The following NAV2 variants were observed in gnomAD, a reference collection of about 807,000 sequenced individuals.
NAV2 encodes neuron navigator 2, also known as helicase, APC down-regulated 1.
Under a neutral mutation model 223.2 loss-of-function variants are expected in NAV2, and 54 were observed. That is an observed-to-expected ratio of 0.24 (90% confidence interval 0.19 to 0.30). The LOEUF is 0.30. NAV2 is among the 10% of genes least tolerant of loss of function. The pLI is 1.00. For missense variants in NAV2, 2,806 were observed against 3,147.5 expected (o/e 0.89, Z 2.60); for synonymous variants, 1,279 against 1,239.3 (o/e 1.03, Z -0.67).
intron 26 of NAV2, among the ~76,000 whole-genome samples, chr11:20,087,718 G>A (rs796316895): frequency 2.4e-4 from 37 of 152,288 alleles, no homozygotes; most frequent in African/African-American, 7.9e-4. Context: ...AGCGCCTAGT[G>A]GGTATAGTTC....
intron 1 of NAV2, among the ~76,000 whole-genome samples, chr11:19,792,583 C>T (rs1175095397): frequency 2.6e-5 from 4 of 152,214 alleles, no homozygotes; most frequent in Non-Finnish European, 5.9e-5. Context: ...GAGGAAAAGG[C>T]CTTCTCTGCA....
intron 1 of NAV2, among the ~76,000 whole-genome samples, chr11:19,702,782 TA>T (rs2049543958): frequency 2.0e-5 from 1 of 50,188 alleles, no homozygotes; most frequent in Admixed American, 3.4e-4. Context: ...TGTCTCAAAA[TA>T]ATAATAATAA....
intron 11 of NAV2, among the ~76,000 whole-genome samples, chr11:20,033,613 C>T (rs938550255): frequency 2.0e-5 from 3 of 152,306 alleles, no homozygotes; most frequent in African/African-American, 4.8e-5. Context: ...CTCCCTGCCT[C>T]ATCCTCCCAC....
chr11:19,995,415 C>G (rs1179791265), intron 11 of NAV2, among the ~76,000 whole-genome samples: 2 of 152,214 alleles, frequency 1.3e-5, no homozygotes, highest in Non-Finnish European at 2.9e-5. Context: ...TGAGTGGCTT[C>G]TTGCAGCTGG....
chr11:19,669,758 A>G (rs1018757154), intron 1 of NAV2, among the ~76,000 whole-genome samples: 19 of 152,144 alleles, frequency 1.2e-4, no homozygotes, highest in Non-Finnish European at 2.5e-4. Flanking sequence ...CTCTTAGTAA[A>G]TTCCAAGTGC....
intron 1 of NAV2, among the ~76,000 whole-genome samples, chr11:19,631,252 C>A (rs1477403924): frequency 6.6e-6 from 1 of 151,928 alleles, no homozygotes; most frequent in Non-Finnish European, 1.5e-5. Context: ...GCTATCCCTC[C>A]CCCTTTCCCC....
intron 10 of NAV2, among the ~76,000 whole-genome samples, chr11:19,977,798 C>CTTTTTTTTTTTT (rs1221334182): frequency 9.9e-5 from 9 of 90,802 alleles, no homozygotes; most frequent in African/African-American, 3.3e-4. Context: ...CAACTTTTTT[C>CTTTTTTTTTTTT]TTTTTTTTTT....
chr11:19,633,705 G>A (rs1398192875), intron 1 of NAV2, among the ~76,000 whole-genome samples: 5 of 152,238 alleles, frequency 3.3e-5, no homozygotes, highest in South Asian at 2.1e-4. Context: ...GGACTGATGC[G>A]CAGGCCTCCT....
chr11:20,028,784 G>T (rs1321306864), intron 11 of NAV2, among the ~76,000 whole-genome samples: 2 of 152,116 alleles, frequency 1.3e-5, no homozygotes, highest in East Asian at 3.9e-4. Context: ...TGTCAGTGGT[G>T]GCTTTAAGTA....
chr11:20,114,182 G>A (rs140286634), intron 36 of NAV2, among the ~76,000 whole-genome samples: 9 of 152,292 alleles, frequency 5.9e-5, no homozygotes, highest in African/African-American at 1.9e-4. Flanking sequence ...CACATCCAGT[G>A]ACATCATGTC....
intron 1 of NAV2, among the ~76,000 whole-genome samples, chr11:19,750,715 T>C (rs1355767531): frequency 6.6e-6 from 1 of 152,172 alleles, no homozygotes; most frequent in Admixed American, 6.5e-5. Flanking sequence ...ACTTGCACAG[T>C]CACAAAAGGA....
intron 1 of NAV2, among the ~76,000 whole-genome samples, chr11:19,372,628 A>G (rs147733370): frequency 6.4e-4 from 98 of 152,272 alleles, no homozygotes; most frequent in Non-Finnish European, 9.9e-4. Context: ...TGCTTGAAGG[A>G]TAGCACCTAG....
chr11:20,036,173 G>T, intron 12 of NAV2, 76 bp downstream of exon 12: 4 of 1,539,870 alleles, frequency 2.6e-6, no homozygotes, highest in Non-Finnish European at 1.8e-6. Context: ...GGGGTAAGAG[G>T]GCCATTTGGG....
intron 1 of NAV2, among the ~76,000 whole-genome samples, chr11:19,529,466 T>A (rs1475898418): frequency 6.6e-6 from 1 of 152,210 alleles, no homozygotes. Flanking sequence ...CCAATTACAG[T>A]GTCAGTTGAG....
intron 3 of NAV2, among the ~76,000 whole-genome samples, chr11:19,857,634 G>T (rs1413247151): frequency 6.6e-6 from 1 of 152,182 alleles, no homozygotes; most frequent in Non-Finnish European, 1.5e-5. Flanking sequence ...TACCTCTGTT[G>T]TCTGTCTTAG....
chr11:19,716,714 T>G (rs947095093), intron 1 of NAV2, among the ~76,000 whole-genome samples: 3 of 152,174 alleles, frequency 2.0e-5, no homozygotes, highest in Non-Finnish European at 4.4e-5. Context: ...TCATTTCATC[T>G]TTACAGAAAC....
At chr11:19,780,820 C>T (rs1218126657) in intron 1 of NAV2, among the ~76,000 whole-genome samples, 2 of 152,186 alleles carry the variant, frequency 1.3e-5, no homozygotes, top group Non-Finnish European at 2.9e-5. Flanking sequence ...AAAGACTCAA[C>T]AGAAACATTC....
At chr11:19,722,058 C>T (rs2050789024) in intron 1 of NAV2, among the ~76,000 whole-genome samples, 1 of 152,204 alleles carries the variant, frequency 6.6e-6, no homozygotes, top group Non-Finnish European at 1.5e-5. Context: ...TTTATGAGAA[C>T]ATAAATGAAA....
chr11:19,459,686 G>C (rs1852086098), intron 1 of NAV2, among the ~76,000 whole-genome samples: 1 of 152,216 alleles, frequency 6.6e-6, no homozygotes, highest in African/African-American at 2.4e-5. Flanking sequence ...GTTGTGTGGA[G>C]GTGAGTTTGA....
Sources: allele counts gnomAD v4.1 joint callset (sites outside exome capture counted in the v4.1 genomes callset), GRCh38; gene constraint gnomAD v4.1.1; transcripts MANE v1.5; gene names NCBI Gene and HGNC (gene_info 2026-07-23, HGNC 2026-07-21).